Variants in ATP1A3 observed in about 807,000 individuals in gnomAD.
ATP1A3 encodes sodium/potassium-transporting ATPase subunit alpha-3.
Under a neutral mutation model 108.8 loss-of-function variants are expected in ATP1A3, and 12 were observed. The observed-to-expected ratio is 0.11, with a 90% CI of 0.07 to 0.18. The LOEUF is 0.18. Ranked by LOEUF, ATP1A3 falls within the 10% of genes least tolerant of loss-of-function variation. The probability of loss-of-function intolerance (pLI) is 1.00; values close to 1 mark genes in which losing one functional copy is unlikely to be tolerated. For missense variants in ATP1A3, 498 were observed against 1,387.7 expected (o/e 0.36, Z 10.19); for synonymous variants, 539 against 564.5 (o/e 0.95, Z 0.64).
intron 1 of ATP1A3, among the ~76,000 whole-genome samples, chr19:41,992,667 TCC>T (rs1194736504): frequency 4.0e-5 from 6 of 151,788 alleles, no homozygotes; most frequent in Non-Finnish European, 7.4e-5. Flanking sequence ...TCAATGTCTC[TCC>T]ATGTGTCTCA....
chr19:41,970,683 G>A lies in ATP1A3; in HGVS notation c.2264-141C>T, dbSNP rs1231840736. The A allele has an allele frequency of 1.3e-5, 13 of 1,022,654 alleles. No homozygotes were observed. In the East Asian group the frequency reaches 3.0e-4, roughly 23 times the overall value. The allele number at this position is 1,022,654 out of a possible 1,614,324, so 63.3% of individuals were successfully genotyped here. On this transcript the variant is annotated intron_variant, in intron 16 of 22. Coordinates refer to ENST00000648268, the MANE Select transcript of ATP1A3 (RefSeq NM_152296.5). The stretch of plus-strand genomic sequence containing the variant: ...GTCTCGCTGTGTTGCCCAGGCTGGA[G>A]TGCAGTGGTGCGATCTCGGCTCACT...
chr19:41,992,432 G>A (rs1413752046), intron 1 of ATP1A3, among the ~76,000 whole-genome samples: 21 of 152,092 alleles, frequency 1.4e-4, no homozygotes, highest in African/African-American at 3.9e-4. Context: ...CATGCTGTCC[G>A]CCTCTCCCTG....
intron 4 of ATP1A3, among the ~76,000 whole-genome samples, chr19:41,987,390 T>G (rs1159563834): frequency 6.6e-6 from 1 of 152,070 alleles, no homozygotes; most frequent in Non-Finnish European, 1.5e-5. Flanking sequence ...GTGTCTGTGT[T>G]TCTGAATTAG....
In ATP1A3 at chr19:41,994,110, C is replaced by A. The variant is rs782079039; in HGVS notation, c.-34G>T. On this transcript the variant is annotated 5_prime_UTR_variant, in exon 1 of 23. Coordinates refer to ENST00000648268, the MANE Select transcript of ATP1A3 (RefSeq NM_152296.5). ...CTCCGCGGCGAGAGAGCCAGGCGGG[C>A]GGGGCGGGGACCTCGGGGCGGGCTC... is the stretch of plus-strand genomic sequence containing the variant. The A allele has an allele frequency of 6.4e-7, 1 of 1,569,548 alleles. No individual in the cohort carries two copies. Among genetic ancestry groups the A allele is most frequent in the East Asian group, 2.4e-5 (1 of 41,572 alleles).
chr19:41,979,452 C>T (rs183747320), intron 11 of ATP1A3, among the ~76,000 whole-genome samples: 20 of 152,192 alleles, frequency 1.3e-4, no homozygotes, highest in Middle Eastern at 3.4e-3. Flanking sequence ...GTAGCTGGGA[C>T]CACAGGTCCA....
In ATP1A3 at chr19:41,966,638, C is replaced by T. The variant is rs546192339; in HGVS notation, c.*299G>A. On this transcript the variant is annotated 3_prime_UTR_variant, in exon 23 of 23. Coordinates refer to ENST00000648268, the MANE Select transcript of ATP1A3 (RefSeq NM_152296.5). ...GTCCAGAACCAGAGATGGCATCAGC[C>T]GGGGGGCTGAAGGGGAGTAAAAAAG... is the stretch of plus-strand genomic sequence containing the variant. The T allele has an allele frequency of 7.1e-5, 107 of 1,498,796 alleles. 1 individual carries two copies. The South Asian group carries it at 9.6e-4, about 13-fold the overall frequency. 92.8% of individuals were successfully genotyped at this position (1,498,796 alleles called of 1,614,324 possible). A position where few individuals can be genotyped will look rare whatever the true frequency, so the allele number is the denominator to read the frequency against.
rs782747161 is a variant in ATP1A3 at position 41,981,786 on chromosome 19, T to C, written c.1238A>G (p.His413Arg). 2 of 1,614,174 alleles carry C rather than the reference T, an allele frequency of 1.2e-6. No homozygotes were observed. The highest frequency in any genetic ancestry group is 1.3e-5 in the African/African-American group (1 of 75,042). Residue 413 changes from histidine (H) to arginine (R), a missense_variant, in exon 10 of 23, where the codon CAC (histidine) becomes CGC (arginine). Transcript: ENST00000648268. The surrounding 1 kb of genome is among the most constrained non-coding windows in gnomAD (Gnocchi z 5.0). ...KSSHTWVALS[H>R]IAGLCNRAVF... ...AGCGCGATTGCAGAGCCCAGCGATG[T>C]GAGACAGGGCCACCCAGGTGTGCGA...
intron 18 of ATP1A3, 58 bp from the exon 19 acceptor site, chr19:41,969,638 C>A: frequency 6.2e-7 from 1 of 1,607,614 alleles, no homozygotes; most frequent in South Asian, 1.1e-5. Flanking sequence ...GCAGCCAACC[C>A]AGGGCACCTC....
At chr19:41,992,475 G>C (rs1349176197) in intron 1 of ATP1A3, among the ~76,000 whole-genome samples, 1 of 152,100 alleles carries the variant, frequency 6.6e-6, no homozygotes, top group Non-Finnish European at 1.5e-5. Flanking sequence ...CTCTGCGCCT[G>C]GGCCGGCCTC....
At chr19:41,980,704 G>A (rs1198800533) in intron 11 of ATP1A3, among the ~76,000 whole-genome samples, 1 of 152,130 alleles carries the variant, frequency 6.6e-6, no homozygotes, top group African/African-American at 2.4e-5. Flanking sequence ...GAGGTCAGGA[G>A]ATCGAGACCA....
intron 1 of ATP1A3, chr19:41,992,916 A>C (rs2075353365): frequency 1.8e-5 from 3 of 162,760 alleles, no homozygotes; most frequent in South Asian, 1.6e-4. Flanking sequence ...CCCTCCCTCC[A>C]TCCCACTTAC....
chr19:41,981,450 C>A lies in ATP1A3; in HGVS notation c.1437+52G>T. On this transcript the variant is annotated intron_variant, in intron 11 of 22. Coordinates refer to ENST00000648268, the MANE Select transcript of ATP1A3 (RefSeq NM_152296.5). The surrounding 1 kb of genome is among the most constrained non-coding windows in gnomAD (Gnocchi z 5.0). The stretch of plus-strand genomic sequence containing the variant: ...AGGCTCTATGACACCTCTTTACAGG[C>A]GTCATAAGGAACCTGAGGTCCAGGC... The A allele has an allele frequency of 1.2e-6, 2 of 1,612,540 alleles. No homozygotes were observed. The highest frequency in any genetic ancestry group is 1.7e-6 in the Non-Finnish European group (2 of 1,178,752).
rs1281745816 is a variant in ATP1A3, at chr19:41,976,530, G to A, written c.1980C>T (p.Leu660=). 1.9e-6 allele frequency: 3 copies of A among 1,614,074 alleles called. No homozygotes were observed. The highest frequency in any genetic ancestry group is 2.5e-6 in the Non-Finnish European group (3 of 1,180,052). The change falls in exon 15 of 23, where the codon CTC becomes CTT. Residue 660 remains leucine (L), a synonymous_variant. Coordinates refer to ENST00000648268, the MANE Select transcript of ATP1A3 (RefSeq NM_152296.5). The part of the protein sequence containing the change: ...AKACVIHGTD[L]KDFTSEQIDE... ...CGATTTGCTCGGAGGTGAAGTCCTTGAGGTCGGTGCCGTGGATCACGCAGG... is the reference window on the plus strand; with the variant it reads ...CGATTTGCTCGGAGGTGAAGTCCTTAAGGTCGGTGCCGTGGATCACGCAGG...
At position 41,966,923 on chromosome 19, in the gene ATP1A3, T is replaced by C. The variant is rs782594272; in HGVS notation, c.*14A>G. On this transcript the variant is annotated 3_prime_UTR_variant, in exon 23 of 23. Coordinates refer to ENST00000648268, the MANE Select transcript of ATP1A3 (RefSeq NM_152296.5). Reference sequence around the variant, plus strand: ...GGGGACGGGGAAGAGATGGGCGATGTGGTGGGGCTGAGGTCAGTAGTAGGT... The same window carrying C: ...GGGGACGGGGAAGAGATGGGCGATGCGGTGGGGCTGAGGTCAGTAGTAGGT... The C allele has an allele frequency of 6.4e-7, 1 of 1,550,492 alleles. No individual in the cohort carries two copies. Among genetic ancestry groups the C allele is most frequent in the South Asian group, 1.2e-5 (1 of 84,006 alleles).
chr19:41,966,872 G>C lies in ATP1A3; in HGVS notation c.*65C>G, dbSNP rs1161217260. On this transcript the variant is annotated 3_prime_UTR_variant, in exon 23 of 23. Coordinates refer to ENST00000648268, the MANE Select transcript of ATP1A3 (RefSeq NM_152296.5). The stretch of plus-strand genomic sequence containing the variant: ...TCCCCCCAGAATACAAAATTGGGGG[G>C]ACTGACAGGGGCGGTCCTGGGCCTG... 2 of 1,549,654 alleles carry C rather than the reference G, an allele frequency of 1.3e-6. No homozygotes were observed. The highest frequency in any genetic ancestry group is 1.4e-5 in the African/African-American group (1 of 72,914).
intron 1 of ATP1A3, 166 bp downstream of exon 1, chr19:41,993,905 T>G: frequency 7.7e-7 from 1 of 1,305,930 alleles, no homozygotes; most frequent in South Asian, 1.4e-5. Context: ...CGCCGCCCCC[T>G]GCGGCCCCAC....
intron 1 of ATP1A3, among the ~76,000 whole-genome samples, chr19:41,990,622 G>T (rs1042101696): frequency 7.2e-6 from 1 of 138,722 alleles, no homozygotes; most frequent in Non-Finnish European, 1.6e-5. Context: ...TTCTCCCACT[G>T]TCTCTCTCTG....
At position 41,967,040 on chromosome 19, in the gene ATP1A3, G is replaced by A; in HGVS notation, c.3014-75C>T. 1 of 1,551,684 alleles carries A rather than the reference G, an allele frequency of 6.4e-7. No individual in the cohort carries two copies. On this transcript the variant is annotated intron_variant, in intron 22 of 22. Coordinates refer to ENST00000648268, the MANE Select transcript of ATP1A3 (RefSeq NM_152296.5). This position sits in a 1 kb window ranked among gnomAD's most constrained non-coding sequence, Gnocchi z 4.2. ...GACAGGCAAGGCGAGCCGCCCAGCA[G>A]AGAGAGGGACAGAGAGGGAGAGAGA...
At chr19:41,970,666 G>A in intron 16 of ATP1A3, 124 bp from the exon 17 acceptor site, 10 of 1,167,518 alleles carry the variant, frequency 8.6e-6, no homozygotes, top group Non-Finnish European at 1.2e-5. Flanking sequence ...GAGTCTCGCT[G>A]TGTTGCCCAG....
Sources: allele counts gnomAD v4.1 joint callset (sites outside exome capture counted in the v4.1 genomes callset), GRCh38; gene constraint gnomAD v4.1.1; non-coding constraint Gnocchi (gnomAD v3.1); transcripts MANE v1.5; gene names NCBI Gene and HGNC (gene_info 2026-07-23, HGNC 2026-07-21).